R3HDM1: variants seen among roughly 807,000 people sequenced by gnomAD.
The protein encoded by R3HDM1 is R3H domain containing 1.
In R3HDM1, 46 loss-of-function variants were observed where a neutral mutation model predicts 141.1. The observed-to-expected ratio is 0.33, with a 90% CI of 0.26 to 0.42. The LOEUF is 0.42. Ranked by LOEUF, R3HDM1 falls within the 10% of genes least tolerant of loss-of-function variation. The pLI, the probability that R3HDM1 is intolerant of heterozygous loss-of-function variation, is 1.00. For missense variants in R3HDM1, 1,184 were observed against 1,368.3 expected (o/e 0.87, Z 2.12); for synonymous variants, 435 against 472.9 (o/e 0.92, Z 1.04).
At chr2:135,697,828 C>T (rs2073489874) in intron 21 of R3HDM1, among the ~76,000 whole-genome samples, 1 of 151,844 alleles carries the variant, frequency 6.6e-6, no homozygotes, top group Non-Finnish European at 1.5e-5. Flanking sequence ...CCAAGGCAGG[C>T]AGATCAGTTG....
intron 23 of R3HDM1, among the ~76,000 whole-genome samples, chr2:135,711,405 T>C (rs2075607418): frequency 1.3e-5 from 2 of 152,176 alleles, no homozygotes; most frequent in African/African-American, 4.8e-5. Context: ...CAGTGGCTCA[T>C]GCCTGTAATC....
intron 21 of R3HDM1, among the ~76,000 whole-genome samples, chr2:135,682,640 C>T (rs187369787): frequency 1.9e-4 from 29 of 152,284 alleles, no homozygotes; most frequent in African/African-American, 5.8e-4. Flanking sequence ...GAGGGATAGC[C>T]TGCAGCACAG....
intron 23 of R3HDM1, among the ~76,000 whole-genome samples, chr2:135,711,224 G>T (rs994819583): frequency 1.1e-4 from 16 of 152,198 alleles, no homozygotes; most frequent in African/African-American, 3.9e-4. Context: ...CCTGATACCA[G>T]TGGGACATTT....
intron 1 of R3HDM1, among the ~76,000 whole-genome samples, chr2:135,557,226 G>A (rs1700949184): frequency 6.6e-6 from 1 of 151,630 alleles, no homozygotes; most frequent in African/African-American, 2.4e-5. Context: ...GAAGTATTTT[G>A]TTGTTAGTTT....
chr2:135,675,311 T>A (rs199997702), intron 19 of R3HDM1, 21 bp from the exon 20 acceptor site: 1 of 1,600,868 alleles, frequency 6.2e-7, no homozygotes, highest in Non-Finnish European at 8.5e-7. Context: ...GAGCAGGATT[T>A]AACTCATTGT....
intron 24 of R3HDM1, among the ~76,000 whole-genome samples, chr2:135,716,335 T>C (rs1331208691): frequency 2.0e-5 from 3 of 152,210 alleles, no homozygotes; most frequent in African/African-American, 7.2e-5. Context: ...TATCCAAAAA[T>C]TTATTCAGCA....
chr2:135,607,408 C>A, intron 3 of R3HDM1: 1 of 834,866 alleles, frequency 1.2e-6, no homozygotes, highest in Non-Finnish European at 1.4e-6. Context: ...ATAAAAAAAG[C>A]ATTTAGGCCC....
chr2:135,534,371 A>G (rs1474384257), intron 1 of R3HDM1, among the ~76,000 whole-genome samples: 1 of 152,236 alleles, frequency 6.6e-6, no homozygotes, highest in Non-Finnish European at 1.5e-5. Context: ...AATTGTTACA[A>G]CCATATGTGA....
rs535375358 is a variant in R3HDM1 at position 135,581,214 on chromosome 2, G to C, written c.-249-21286G>C. 4.4e-5 allele frequency: 43 copies of C among 985,434 alleles called. No individual in the cohort carries two copies. In the South Asian group the frequency reaches 5.6e-4, roughly 13 times the overall value. The allele number at this position is 985,434 out of a possible 1,614,324, so 61.0% of individuals were successfully genotyped here. On this transcript the variant is annotated intron_variant, in intron 1 of 26. Transcript: ENST00000683871. ...ATATTAAGGTAGTAGTGAGGATGGA[G>C]CCCAGAGATACTGTATGAAGAAAGT...
intron 9 of R3HDM1, among the ~76,000 whole-genome samples, chr2:135,635,277 A>G (rs186881245): frequency 2.1e-4 from 32 of 152,316 alleles, no homozygotes; most frequent in Middle Eastern, 3.4e-3. Flanking sequence ...TAGGAGTAGC[A>G]TAAGATACGG....
chr2:135,631,692 A>G (rs768178212), intron 7 of R3HDM1, 26 bp from the exon 8 acceptor site: 93 of 1,539,076 alleles, frequency 6.0e-5, no homozygotes, highest in Non-Finnish European at 7.9e-5. Context: ...AGTTTTACAT[A>G]TAAGAGTCTT....
At chr2:135,533,106 A>G (rs1374779991) in intron 1 of R3HDM1, among the ~76,000 whole-genome samples, 1 of 152,218 alleles carries the variant, frequency 6.6e-6, no homozygotes, top group Non-Finnish European at 1.5e-5. Flanking sequence ...CAGAATTGAC[A>G]TAGATACATT....
intron 23 of R3HDM1, among the ~76,000 whole-genome samples, chr2:135,713,398 A>G (rs2075867062): frequency 2.0e-5 from 3 of 152,232 alleles, no homozygotes; most frequent in Non-Finnish European, 4.4e-5. Flanking sequence ...GTGGTAGTGT[A>G]AATTGGTACA....
intron 19 of R3HDM1, among the ~76,000 whole-genome samples, chr2:135,672,278 A>G (rs1414562426): frequency 1.3e-5 from 2 of 152,186 alleles, no homozygotes; most frequent in Non-Finnish European, 2.9e-5. Context: ...GGTAGTTCTT[A>G]TCACTCTTCT....
intron 18 of R3HDM1, among the ~76,000 whole-genome samples, chr2:135,660,454 T>G (rs2066541716): frequency 6.6e-6 from 1 of 152,210 alleles, no homozygotes. Context: ...GTGTGGAGTT[T>G]CTTTTTGAGT....
At chr2:135,667,346 A>T (rs2067665867) in intron 19 of R3HDM1, 3 of 574,436 alleles carry the variant, frequency 5.2e-6, no homozygotes, top group Non-Finnish European at 6.6e-6. Flanking sequence ...AAGAAATGGG[A>T]TAATATTGCA....
chr2:135,630,290 AAAAAAAAAAAAAAAAAAAC>A (rs1464423162), intron 7 of R3HDM1, among the ~76,000 whole-genome samples: 49 of 143,778 alleles, frequency 3.4e-4, no homozygotes, highest in South Asian at 1.9e-3. Flanking sequence ...CCAAAAAAAA[AAAAAAAAAAAAAAAAAAAC>A]AAAAAAAAAA....
intron 19 of R3HDM1, chr2:135,667,166 A>T (rs1013518501): frequency 3.1e-6 from 3 of 976,360 alleles, no homozygotes; most frequent in Non-Finnish European, 3.7e-6. Context: ...CCTGTTCAAT[A>T]CTTTTGTGCT....
chr2:135,705,713 T>G (rs190611933), intron 21 of R3HDM1, among the ~76,000 whole-genome samples: 9 of 152,266 alleles, frequency 5.9e-5, no homozygotes, highest in Non-Finnish European at 1.2e-4. Context: ...TATTTGTCAT[T>G]TTTTTTATCA....
Sources: gnomAD v4.1 joint callset for allele counts (sites outside exome capture counted in the v4.1 genomes callset) on GRCh38, gnomAD v4.1.1 for gene constraint, MANE v1.5 for transcripts, NCBI Gene and HGNC (gene_info 2026-07-23, HGNC 2026-07-21) for gene names.